Variants in RFTN2 observed in about 807,000 individuals in gnomAD.
RFTN2 encodes raftlin family member 2, also known as raftlin-2.
In RFTN2, 34 loss-of-function variants were observed where a neutral mutation model predicts 52.7. The ratio of observed to expected loss-of-function variants is 0.64; its 90% CI spans 0.49 to 0.86. RFTN2 has a LOEUF of 0.86. Ranked by LOEUF, RFTN2 falls within the 40% of genes least tolerant of loss-of-function variation. The pLI is 0.00. For synonymous variants in RFTN2, 203 were observed against 217.7 expected (o/e 0.93, Z 0.59); for missense variants, 536 against 600.1 (o/e 0.89, Z 1.12).
intron 8 of RFTN2, among the ~76,000 whole-genome samples, chr2:197,588,229 T>C (rs1379761809): frequency 1.3e-5 from 2 of 152,212 alleles, no homozygotes; most frequent in Admixed American, 6.5e-5. Context: ...TCTACATATA[T>C]ATGTTTGCAT....
intron 5 of RFTN2, among the ~76,000 whole-genome samples, chr2:197,627,553 T>G (rs376662237): frequency 1.1e-4 from 17 of 152,294 alleles, no homozygotes; most frequent in African/African-American, 4.1e-4. Context: ...CCTCTACTAG[T>G]GCCACACAAA....
chr2:197,615,933 G>C lies in RFTN2; in HGVS notation c.1097C>G (p.Ala366Gly). 1.3e-6 allele frequency: 2 copies of C among 1,559,942 alleles called. No individual in the cohort carries two copies. The highest frequency in any genetic ancestry group is 1.7e-4 in the Middle Eastern group (1 of 6,002). Residue 366 changes from alanine (A) to glycine (G), a missense_variant, in exon 7 of 9, where the codon GCT becomes GGT. By Grantham distance (60) the Ala-to-Gly change is moderately conservative. Transcript: ENST00000295049. ...TDYGPLLHTL[A>G]EFGWLLTSVL... ...GCTTGTCAGAAGCCATCCGAATTCAGCCAGAGTGTGCAGCAGAGGGCCATA... is the reference window on the plus strand; with the variant it reads ...GCTTGTCAGAAGCCATCCGAATTCACCCAGAGTGTGCAGCAGAGGGCCATA...
chr2:197,604,778 T>TTTATTTA (rs1559346019), intron 7 of RFTN2, among the ~76,000 whole-genome samples: 2 of 150,186 alleles, frequency 1.3e-5, no homozygotes, highest in Non-Finnish European at 3.0e-5. Flanking sequence ...TTATTTATTT[T>TTTATTTA]GAGACAGAGC....
chr2:197,662,722 T>A (rs2106268323), intron 1 of RFTN2, among the ~76,000 whole-genome samples: 1 of 152,306 alleles, frequency 6.6e-6, no homozygotes, highest in Admixed American at 6.5e-5. Flanking sequence ...ATTCTTCCAA[T>A]CCATGAGCAT....
At chr2:197,667,905 A>G (rs1053342020) in intron 1 of RFTN2, among the ~76,000 whole-genome samples, 1 of 152,054 alleles carries the variant, frequency 6.6e-6, no homozygotes, top group Non-Finnish European at 1.5e-5. Context: ...AGGTGGGCCA[A>G]TTCTTGGACT....
chr2:197,622,321 T>C (rs913778725), intron 5 of RFTN2, among the ~76,000 whole-genome samples: 1 of 152,172 alleles, frequency 6.6e-6, no homozygotes, highest in Non-Finnish European at 1.5e-5. Flanking sequence ...TTTATTTATT[T>C]TGAGACAAGG....
chr2:197,653,549 TAAA>T (rs774420200), intron 1 of RFTN2, among the ~76,000 whole-genome samples: 6 of 141,114 alleles, frequency 4.3e-5, no homozygotes, highest in African/African-American at 7.8e-5. Flanking sequence ...TCTGGTTAGT[TAAA>T]AAAAAAAAAA....
chr2:197,597,020 A>C (rs899913331), intron 7 of RFTN2, among the ~76,000 whole-genome samples: 4 of 151,940 alleles, frequency 2.6e-5, no homozygotes, highest in African/African-American at 9.7e-5. Flanking sequence ...TATGCAAAAA[A>C]CCCCAACAAA....
At chr2:197,634,112 C>T (rs1156387274) in intron 3 of RFTN2, 115 bp from the exon 4 acceptor site, 2 of 854,122 alleles carry the variant, frequency 2.3e-6, no homozygotes, top group East Asian at 2.6e-5. Context: ...AGTAACTTGA[C>T]CAGTGACAAG....
chr2:197,657,207 A>C (rs1221978882), intron 1 of RFTN2, among the ~76,000 whole-genome samples: 1 of 152,162 alleles, frequency 6.6e-6, no homozygotes, highest in African/African-American at 2.4e-5. Context: ...TCCAATTCTT[A>C]TATAATATTT....
chr2:197,616,895 A>G (rs553534406), intron 6 of RFTN2, among the ~76,000 whole-genome samples: 15 of 152,328 alleles, frequency 9.8e-5, no homozygotes, highest in African/African-American at 2.6e-4. Flanking sequence ...TCAGAAAGGT[A>G]AAAGTATCCC....
rs1401641422 is a variant in RFTN2 at position 197,628,239 on chromosome 2, C to T, written c.928+2772G>A. ...CCAAATGACATGCTCAGTTGCCAGA[C>T]CCCATAGACTGACGTGGCTTGTGAG... is the stretch of plus-strand genomic sequence containing the variant. On this transcript the variant is annotated intron_variant, in intron 5 of 8. Transcript: ENST00000295049. Among the ~76,000 whole-genome samples the T allele has an allele frequency of 2.0e-5, 3 of 152,168 alleles. No homozygotes were observed. The East Asian group carries it at 5.8e-4, about 29-fold the overall frequency.
At chr2:197,592,378 AG>A (rs2087731724) in intron 8 of RFTN2, among the ~76,000 whole-genome samples, 1 of 152,146 alleles carries the variant, frequency 6.6e-6, no homozygotes. Flanking sequence ...TATTTTTAGT[AG>A]AGAAGGGGTT....
At position 197,617,788 on chromosome 2, in the gene RFTN2, A is replaced by T; in HGVS notation, c.1050+12T>A. Reference sequence around the variant, plus strand: ...ATATGTAAAGCTAAATTGTCAGAAAACTGCAGCTCACCTCAATAACAGTCC... The same window carrying T: ...ATATGTAAAGCTAAATTGTCAGAAATCTGCAGCTCACCTCAATAACAGTCC... On this transcript the variant is annotated intron_variant, in intron 6 of 8. Coordinates refer to ENST00000295049, the MANE Select transcript of RFTN2 (RefSeq NM_144629.3). 1 of 1,387,190 alleles carries T rather than the reference A, an allele frequency of 7.2e-7. No homozygotes were observed. Among genetic ancestry groups the T allele is most frequent in the Non-Finnish European group, 9.5e-7 (1 of 1,054,084 alleles). The allele number at this position is 1,387,190 out of a possible 1,614,324, so 85.9% of individuals were successfully genotyped here.
In RFTN2 at chr2:197,622,424, GC is replaced by G. The variant is rs76352967; in HGVS notation, c.929-4504del. ...AGGCTCAAGCAATTCTCCTGCCTCA[GC>G]CTTCCAAGTAGCTCAGATTATAGGC... On this transcript the variant is annotated intron_variant, in intron 5 of 8. Coordinates refer to ENST00000295049, the MANE Select transcript of RFTN2 (RefSeq NM_144629.3). 5.3e-5 allele frequency among the ~76,000 whole-genome samples: 8 copies of G among 152,228 alleles called. No homozygotes were observed. The East Asian group carries it at 1.5e-3, about 29-fold the overall frequency.
At chr2:197,646,446 C>T in intron 2 of RFTN2, 37 bp downstream of exon 2, 2 of 1,542,730 alleles carry the variant, frequency 1.3e-6, no homozygotes, top group Non-Finnish European at 1.8e-6. Context: ...AGAGAACTGT[C>T]ACCCTCACCT....
At chr2:197,632,872 A>G (rs948408125) in intron 4 of RFTN2, among the ~76,000 whole-genome samples, 1 of 152,216 alleles carries the variant, frequency 6.6e-6, no homozygotes, top group African/African-American at 2.4e-5. Context: ...TGGAAGGATC[A>G]GTTAATAGCA....
intron 8 of RFTN2, among the ~76,000 whole-genome samples, chr2:197,573,582 A>G (rs1423920171): frequency 6.6e-6 from 1 of 152,256 alleles, no homozygotes; most frequent in Non-Finnish European, 1.5e-5. Flanking sequence ...TGATGATACC[A>G]TAGAAAAGAA....
chr2:197,656,743 A>T (rs1297942867), intron 1 of RFTN2, among the ~76,000 whole-genome samples: 1 of 152,170 alleles, frequency 6.6e-6, no homozygotes, highest in Non-Finnish European at 1.5e-5. Flanking sequence ...AGAAATCTTG[A>T]ACTCATGCTC....
Sources: allele counts gnomAD v4.1 joint callset (sites outside exome capture counted in the v4.1 genomes callset), GRCh38; gene constraint gnomAD v4.1.1; transcripts MANE v1.5; gene names NCBI Gene and HGNC (gene_info 2026-07-23, HGNC 2026-07-21).